The following TUT4 variants were observed in gnomAD, a reference collection of about 807,000 sequenced individuals.
The protein encoded by TUT4 is terminal uridylyl transferase 4.
In TUT4, 36 loss-of-function variants were observed where a neutral mutation model predicts 192.2. The observed-to-expected ratio is 0.19, with a 90% CI of 0.14 to 0.25. The LOEUF (loss-of-function observed/expected upper bound fraction) is 0.25, where lower values mean the gene tolerates loss of function less well. Among genes scored for constraint, TUT4 ranks in the 10% least tolerant of loss-of-function variants. The probability of loss-of-function intolerance (pLI) is 1.00; values close to 1 mark genes in which losing one functional copy is unlikely to be tolerated. For missense variants in TUT4, 1,493 were observed against 1,957.2 expected, an observed-to-expected ratio of 0.76 and a Z score of 4.47; for synonymous variants, 618 against 666.0, an observed-to-expected ratio of 0.93 and a Z score of 1.11.
At chr1:52,458,749 G>C (rs566686162) in intron 19 of TUT4, among the ~76,000 whole-genome samples, 1 of 152,238 alleles carries the variant, frequency 6.6e-6, no homozygotes, top group African/African-American at 2.4e-5. Context: ...CTGCAGGTGA[G>C]AGTATAAATT....
intron 1 of TUT4, among the ~76,000 whole-genome samples, chr1:52,530,829 C>G (rs145575674): frequency 2.6e-5 from 4 of 152,164 alleles, no homozygotes; most frequent in Admixed American, 6.5e-5. Flanking sequence ...ATGGTAAAAC[C>G]CTGTCTCTAC....
intron 4 of TUT4, among the ~76,000 whole-genome samples, chr1:52,501,681 A>T (rs916373321): frequency 1.3e-5 from 2 of 152,214 alleles, no homozygotes; most frequent in Non-Finnish European, 2.9e-5. Flanking sequence ...AACATTATTC[A>T]CAACAGTCAA....
intron 11 of TUT4, 121 bp from the exon 12 acceptor site, chr1:52,478,003 GC>G (rs1667531004): frequency 1.1e-6 from 1 of 921,372 alleles, no homozygotes; most frequent in South Asian, 2.0e-5. Flanking sequence ...GGAGTAATTT[GC>G]CAAAAAGCAG....
At chr1:52,519,895 A>G (rs1157851592) in intron 2 of TUT4, among the ~76,000 whole-genome samples, 1 of 151,962 alleles carries the variant, frequency 6.6e-6, no homozygotes, top group African/African-American at 2.4e-5. Context: ...TTTATGACAT[A>G]TAAATCCCAG....
Position 52,525,606 on chromosome 1 carries a change from A to G in TUT4, c.675T>C (p.Ser225=). 6.2e-7 allele frequency: 1 copy of G among 1,612,548 alleles called. No homozygotes were observed. The highest frequency in any genetic ancestry group is 8.5e-7 in the Non-Finnish European group (1 of 1,179,518). The change falls in exon 2 of 30, where the codon TCT becomes TCC. Residue 225 remains serine (S), a synonymous_variant. Coordinates refer to ENST00000257177, the MANE Select transcript of TUT4 (RefSeq NM_001009881.3). ...CTTCAATTCCTGAAGCACTATCATC[A>G]GAATCACCAGTATTATCTGTACATG... ...QQTCTDNTGD[S]DDSASGIEDV...
At chr1:52,525,149 TTTTG>T (rs139786843) in intron 2 of TUT4, among the ~76,000 whole-genome samples, 13,413 of 152,064 alleles carry the variant, frequency 0.088, 1,924 homozygotes, top group African/African-American at 0.3. Flanking sequence ...CTATGGGTTT[TTTTG>T]TTTGTTTGTT....
At chr1:52,436,443 G>A (rs776013761) in intron 26 of TUT4, among the ~76,000 whole-genome samples, 12 of 152,014 alleles carry the variant, frequency 7.9e-5, no homozygotes, top group South Asian at 2.1e-4. Context: ...CCGAGATCGC[G>A]CCACTGTACT....
At chr1:52,453,200 T>C (rs1036738399) in intron 20 of TUT4, among the ~76,000 whole-genome samples, 4 of 151,814 alleles carry the variant, frequency 2.6e-5, no homozygotes, top group Non-Finnish European at 5.9e-5. Flanking sequence ...GCCTGCGTGG[T>C]GAAACCCCGT....
At chr1:52,533,929 G>A (rs1280211665) in intron 1 of TUT4, among the ~76,000 whole-genome samples, 1 of 152,132 alleles carries the variant, frequency 6.6e-6, no homozygotes, top group East Asian at 1.9e-4. Context: ...TTGCACCACT[G>A]CACTCCAACT....
chr1:52,441,558 G>C (rs1488881959), intron 24 of TUT4, among the ~76,000 whole-genome samples: 9 of 150,036 alleles, frequency 6.0e-5, no homozygotes, highest in African/African-American at 2.2e-4. Flanking sequence ...CTCCCAAAGT[G>C]CTGGGATTAC....
intron 16 of TUT4, chr1:52,462,887 T>G (rs1663018874): frequency 1.0e-6 from 1 of 985,220 alleles, no homozygotes; most frequent in Non-Finnish European, 1.2e-6. Context: ...CTGAAGGGTA[T>G]AAACATCAAT....
chr1:52,443,349 G>A lies in TUT4; in HGVS notation c.3822+2438C>T, dbSNP rs142751807. On this transcript the variant is annotated intron_variant, in intron 24 of 29. Transcript: ENST00000257177. ...CACGCCTGTAATCCCAGCACTTTGG[G>A]AGGCTGAGATGGGCGGATCACCTGA... Among the ~76,000 whole-genome samples, 3 of 152,036 alleles carry A rather than the reference G, an allele frequency of 2.0e-5. No homozygotes were observed. In the East Asian group the frequency reaches 5.8e-4, roughly 29 times the overall value.
At chr1:52,543,227 AAAATG>A (rs1687197049) in intron 1 of TUT4, among the ~76,000 whole-genome samples, 1 of 152,226 alleles carries the variant, frequency 6.6e-6, no homozygotes, top group Admixed American at 6.5e-5. Context: ...ACACAACTAA[AAAATG>A]GATTCAGCAA....
At chr1:52,495,003 T>A (rs1349716049) in intron 6 of TUT4, among the ~76,000 whole-genome samples, 2 of 152,084 alleles carry the variant, frequency 1.3e-5, no homozygotes, top group African/African-American at 4.8e-5. Flanking sequence ...CTGACATATA[T>A]TAATATTATC....
At chr1:52,513,684 A>G (rs1677913544) in intron 3 of TUT4, among the ~76,000 whole-genome samples, 1 of 152,030 alleles carries the variant, frequency 6.6e-6, no homozygotes, top group Non-Finnish European at 1.5e-5. Flanking sequence ...TTGCATCCCA[A>G]CTTCTTCCTT....
At chr1:52,434,854 G>A (rs766662430) in intron 27 of TUT4, 1 of 151,760 alleles carries the variant, frequency 6.6e-6, no homozygotes, top group East Asian at 1.9e-4. Flanking sequence ...AAAAAGAAAA[G>A]ATAGTAAAAT....
chr1:52,476,850 G>A (rs752662769), intron 12 of TUT4, among the ~76,000 whole-genome samples: 5 of 152,122 alleles, frequency 3.3e-5, no homozygotes, highest in Non-Finnish European at 5.9e-5. Context: ...AGACTAAAAC[G>A]GACATAAATT....
chr1:52,453,112 TG>T (rs988212399), intron 20 of TUT4, among the ~76,000 whole-genome samples: 2 of 151,868 alleles, frequency 1.3e-5, no homozygotes, highest in Non-Finnish European at 2.9e-5. Flanking sequence ...GGGCTGGGCG[TG>T]GGGGCTCAGG....
In TUT4 at chr1:52,490,747, C is replaced by T; in HGVS notation, c.1373G>A (p.Cys458Tyr). 1 of 1,611,568 alleles carries T rather than the reference C, an allele frequency of 6.2e-7. No homozygotes were observed. The highest frequency in any genetic ancestry group is 8.5e-7 in the Non-Finnish European group (1 of 1,179,108). Residue 458 changes from cysteine (C) to tyrosine (Y), a missense_variant, in exon 8 of 30, where the codon TGC (cysteine) becomes TAC (tyrosine). By Grantham distance (194) the Cys-to-Tyr change is radical. Around this residue, in one of 7 missense-constraint regions of TUT4, gnomAD observed 437 missense variants for 577.6 expected, o/e 0.76. Transcript: ENST00000257177. ...TGTTACCAACCTTTTTCGATCTCTG[C>T]ACACCACAACAGGAACTTTAGCGTG... is the stretch of plus-strand genomic sequence containing the variant. ...DFHAKVPVVV[C>Y]RDRKSGLLCR...
Sources: allele counts gnomAD v4.1 joint callset (sites outside exome capture counted in the v4.1 genomes callset), GRCh38; gene constraint gnomAD v4.1.1; regional missense constraint gnomAD v4.1.1; transcripts MANE v1.5; gene names NCBI Gene and HGNC (gene_info 2026-07-23, HGNC 2026-07-21).